CADM1: variants seen among roughly 807,000 people sequenced by gnomAD.
The protein encoded by CADM1 is TSLC-1.
CADM1 carries 15 observed loss-of-function variants against 53.1 expected under a neutral mutation model. The ratio of observed to expected loss-of-function variants is 0.28; its 90% CI spans 0.19 to 0.44. The LOEUF (loss-of-function observed/expected upper bound fraction) is 0.44. Among genes scored for constraint, CADM1 ranks in the 20% least tolerant of loss-of-function variants. The pLI is 1.00. For missense variants in CADM1, 434 were observed against 611.3 expected (o/e 0.71, Z 3.06); for synonymous variants, 281 against 243.0 (o/e 1.16, Z -1.45).
intron 1 of CADM1, among the ~76,000 whole-genome samples, chr11:115,264,673 G>T (rs866903698): frequency 1.3e-5 from 2 of 152,178 alleles, no homozygotes; most frequent in African/African-American, 4.8e-5. Flanking sequence ...TTGTGACCTT[G>T]AGTAAGTTAT....
intron 1 of CADM1, among the ~76,000 whole-genome samples, chr11:115,402,093 T>TA (rs1947172709): frequency 6.6e-6 from 1 of 152,104 alleles, no homozygotes. Context: ...TTTGTGTACA[T>TA]AAAAATGTAT....
At chr11:115,340,626 TTATATATA>T (rs869156485) in intron 1 of CADM1, among the ~76,000 whole-genome samples, 66 of 48,238 alleles carry the variant, frequency 1.4e-3, no homozygotes, top group Middle Eastern at 0.038. Flanking sequence ...ATAATAAATA[TTATATATA>T]TATATATATA....
intron 8 of CADM1, among the ~76,000 whole-genome samples, chr11:115,207,486 T>C (rs1459979977): frequency 6.6e-6 from 1 of 152,064 alleles, no homozygotes; most frequent in East Asian, 1.9e-4. Flanking sequence ...TTAGCTTTAG[T>C]CTGGAGTGAA....
At chr11:115,239,778 T>A (rs1942153394) in intron 2 of CADM1, among the ~76,000 whole-genome samples, 1 of 152,084 alleles carries the variant, frequency 6.6e-6, no homozygotes, top group South Asian at 2.1e-4. Flanking sequence ...TATGAACCAT[T>A]TCTATTCTAT....
intron 1 of CADM1, among the ~76,000 whole-genome samples, chr11:115,368,506 TAGTC>T (rs1247484286): frequency 6.6e-6 from 1 of 152,210 alleles, no homozygotes; most frequent in Non-Finnish European, 1.5e-5. Context: ...ATTGAAAGAT[TAGTC>T]AGTAACATGA....
At chr11:115,399,425 T>TA in intron 1 of CADM1, 1 of 152,208 alleles carries the variant, frequency 6.6e-6, no homozygotes, top group East Asian at 1.9e-4. Flanking sequence ...AAGTATGACT[T>TA]ACTGCTACAG....
intron 9 of CADM1, among the ~76,000 whole-genome samples, 170 bp downstream of exon 9, chr11:115,198,236 G>C (rs996985477): frequency 1.3e-5 from 2 of 152,180 alleles, no homozygotes; most frequent in Non-Finnish European, 2.9e-5. Flanking sequence ...ACTCACAACA[G>C]AAATGACAAG....
chr11:115,491,960 G>A (rs1186289986), intron 1 of CADM1, among the ~76,000 whole-genome samples: 1 of 152,218 alleles, frequency 6.6e-6, no homozygotes, highest in East Asian at 1.9e-4. Context: ...GTGAGGGGCA[G>A]GGGGAGGGAT....
intron 10 of CADM1, among the ~76,000 whole-genome samples, chr11:115,184,999 G>C (rs192123023): frequency 2.0e-5 from 3 of 152,336 alleles, no homozygotes; most frequent in Admixed American, 1.3e-4. Flanking sequence ...TTCTGGGACA[G>C]AACTTGAGCT....
intron 1 of CADM1, among the ~76,000 whole-genome samples, chr11:115,471,391 G>A (rs1281844220): frequency 6.6e-6 from 1 of 152,204 alleles, no homozygotes; most frequent in Non-Finnish European, 1.5e-5. Context: ...TTTTGGGACT[G>A]ACATTTTAAA....
At chr11:115,205,278 G>C (rs541408837) in intron 8 of CADM1, among the ~76,000 whole-genome samples, 2 of 152,056 alleles carry the variant, frequency 1.3e-5, no homozygotes, top group Non-Finnish European at 2.9e-5. Context: ...ACGCTAACTA[G>C]GAAGGGAAAC....
intron 1 of CADM1, among the ~76,000 whole-genome samples, chr11:115,273,035 G>A (rs1257829501): frequency 6.6e-6 from 1 of 152,160 alleles, no homozygotes; most frequent in Non-Finnish European, 1.5e-5. Flanking sequence ...TCAATACCGG[G>A]TCAGAAAGAT....
intron 1 of CADM1, among the ~76,000 whole-genome samples, chr11:115,482,261 T>C (rs1465802689): frequency 6.6e-6 from 1 of 152,218 alleles, no homozygotes; most frequent in African/African-American, 2.4e-5. Context: ...TCTTCTATGC[T>C]TCCACAGCAC....
At chr11:115,353,994 A>G (rs1248770066) in intron 1 of CADM1, among the ~76,000 whole-genome samples, 1 of 152,186 alleles carries the variant, frequency 6.6e-6, no homozygotes, top group Non-Finnish European at 1.5e-5. Context: ...TTTGTTTAAA[A>G]TCATGCACAG....
At chr11:115,313,167 A>G (rs79336919) in intron 1 of CADM1, among the ~76,000 whole-genome samples, 2,464 of 152,278 alleles carry the variant, frequency 0.016, 71 homozygotes, top group African/African-American at 0.055. Context: ...ATTTGCAGAC[A>G]ACAGTGATTA....
intron 7 of CADM1, among the ~76,000 whole-genome samples, chr11:115,211,248 G>T (rs1179847469): frequency 2.6e-5 from 4 of 152,034 alleles, no homozygotes; most frequent in Admixed American, 1.3e-4. Flanking sequence ...ACCTGCTGCA[G>T]GTGTCAGCAT....
chr11:115,237,147 GCAGA>G (rs1942037776), intron 3 of CADM1, among the ~76,000 whole-genome samples: 1 of 152,086 alleles, frequency 6.6e-6, no homozygotes, highest in African/African-American at 2.4e-5. Context: ...TCTGATACAA[GCAGA>G]CAGACAGAAA....
intron 1 of CADM1, among the ~76,000 whole-genome samples, chr11:115,501,509 T>C (rs370926543): frequency 2.0e-5 from 3 of 152,180 alleles, no homozygotes; most frequent in Non-Finnish European, 2.9e-5. Flanking sequence ...TGCATGCACC[T>C]TGAACGTATA....
intron 1 of CADM1, among the ~76,000 whole-genome samples, chr11:115,422,312 T>G (rs909885345): frequency 2.0e-5 from 3 of 152,176 alleles, no homozygotes; most frequent in Non-Finnish European, 4.4e-5. Context: ...GAAAAAATAC[T>G]GTAAAAATCA....
Sources: allele counts gnomAD v4.1 joint callset (sites outside exome capture counted in the v4.1 genomes callset), GRCh38; gene constraint gnomAD v4.1.1; transcripts MANE v1.5; gene names NCBI Gene and HGNC (gene_info 2026-07-23, HGNC 2026-07-21).